Variants in MAP6 observed in about 807,000 individuals in gnomAD.
MAP6 encodes microtubule-associated protein 6.
MAP6 carries 26 observed loss-of-function variants against 42.4 expected under a neutral mutation model. That is an observed-to-expected ratio of 0.61 (90% CI 0.45 to 0.85). The LOEUF (loss-of-function observed/expected upper bound fraction) is 0.85, where lower values mean the gene tolerates loss of function less well. Ranked by LOEUF, MAP6 falls within the 40% of genes least tolerant of loss-of-function variation. The pLI, the probability that MAP6 is intolerant of heterozygous loss-of-function variation, is 0.00. For synonymous variants in MAP6, 418 were observed against 443.8 expected (o/e 0.94, Z 0.73); for missense variants, 966 against 1,099.0 (o/e 0.88, Z 1.71).
chr11:75,642,955 A>C (rs1385152403), intron 1 of MAP6: 2 of 434,936 alleles, frequency 4.6e-6, no homozygotes, highest in Non-Finnish European at 9.6e-6. Context: ...TTCATGTCAG[A>C]ATACACTTGT....
At position 75,608,329 on chromosome 11, in the gene MAP6, G is replaced by C; in HGVS notation, c.906-7C>G. 4 of 1,611,984 alleles carry C rather than the reference G, an allele frequency of 2.5e-6. No homozygotes were observed. Among genetic ancestry groups the C allele is most frequent in the Non-Finnish European group, 3.4e-6 (4 of 1,178,106 alleles). On this transcript the variant is annotated splice_polypyrimidine_tract_variant and splice_region_variant and intron_variant, in intron 1 of 3. Transcript: ENST00000304771. The stretch of plus-strand genomic sequence containing the variant: ...CCATGCCCTGAATTCATTCCTGTTA[G>C]TCAAAGAAAGCATATGTGATATGAA...
intron 1 of MAP6, among the ~76,000 whole-genome samples, chr11:75,649,991 C>G (rs566663889): frequency 6.6e-6 from 1 of 152,146 alleles, no homozygotes; most frequent in South Asian, 2.1e-4. Flanking sequence ...GACACTTAAG[C>G]GGGAATGAGA....
chr11:75,596,985 G>A (rs1942589600), intron 3 of MAP6, among the ~76,000 whole-genome samples: 1 of 152,212 alleles, frequency 6.6e-6, no homozygotes, highest in South Asian at 2.1e-4. Context: ...GGGTTTTAGG[G>A]TCACCCAAAC....
At chr11:75,654,872 C>A (rs144501514) in intron 1 of MAP6, among the ~76,000 whole-genome samples, 1 of 152,242 alleles carries the variant, frequency 6.6e-6, no homozygotes, top group African/African-American at 2.4e-5. Context: ...ATGATTCAAA[C>A]CCAGCTTTGA....
At chr11:75,605,766 G>A (rs754684216) in intron 3 of MAP6, 42 bp downstream of exon 3, 10 of 1,569,452 alleles carry the variant, frequency 6.4e-6, no homozygotes, top group Non-Finnish European at 7.8e-6. Context: ...TGGGGGGAGG[G>A]AGAGAGAGAG....
In MAP6 at chr11:75,586,943, G is replaced by T; in HGVS notation, c.*116C>A. The T allele has an allele frequency of 8.5e-7, 1 of 1,173,522 alleles. No homozygotes were observed. Among genetic ancestry groups the T allele is most frequent in the Non-Finnish European group, 1.2e-6 (1 of 839,378 alleles). 72.7% of individuals were successfully genotyped at this position (1,173,522 alleles called of 1,614,324 possible). A position where few individuals can be genotyped will look rare whatever the true frequency, so the allele number is the denominator to read the frequency against. On this transcript the variant is annotated 3_prime_UTR_variant, in exon 4 of 4. Transcript: ENST00000304771. Reference sequence around the variant, plus strand: ...TGAGCCAGAGGGACCATTTTTATTAGATTCCAGCAAGACTACTGTACATGT... The same window carrying T: ...TGAGCCAGAGGGACCATTTTTATTATATTCCAGCAAGACTACTGTACATGT...
chr11:75,648,039 T>C (rs1943590863), intron 1 of MAP6, among the ~76,000 whole-genome samples: 1 of 152,182 alleles, frequency 6.6e-6, no homozygotes, highest in Non-Finnish European at 1.5e-5. Context: ...GGGAACTTTT[T>C]TAATCAAGGA....
Position 75,668,192 on chromosome 11 carries a change from G to A in MAP6, c.178C>T (p.Pro60Ser), listed in dbSNP as rs947007990. 33 of 1,248,066 alleles carry A rather than the reference G, an allele frequency of 2.6e-5. No homozygotes were observed. The East Asian group carries it at 5.0e-4, about 19-fold the overall frequency. 77.3% of individuals were successfully genotyped at this position (1,248,066 alleles called of 1,614,324 possible). Residue 60 changes from proline (P) to serine (S), a missense_variant, in exon 1 of 4, where the codon CCC becomes TCC. By Grantham distance (74) the Pro-to-Ser change is moderately conservative. This residue lies in a region of MAP6 where 943 missense variants were observed against 1,049.9 expected (regional missense o/e 0.90). Coordinates refer to ENST00000304771, the MANE Select transcript of MAP6 (RefSeq NM_033063.2). ...QQQAQPALAP[P>S]SARAVAIETQ... is the part of the protein sequence containing the mutation. ...TCTATGGCAACCGCGCGCGCCGAGGGGGGCGCGAGCGCCGGCTGCGCCTGC... is the reference window on the plus strand; with the variant it reads ...TCTATGGCAACCGCGCGCGCCGAGGAGGGCGCGAGCGCCGGCTGCGCCTGC...
At chr11:75,662,336 A>G (rs1266600106) in intron 1 of MAP6, among the ~76,000 whole-genome samples, 1 of 152,232 alleles carries the variant, frequency 6.6e-6, no homozygotes. Flanking sequence ...TTAAAACTGT[A>G]TATATGTGTA....
chr11:75,611,092 T>G (rs189034408), intron 1 of MAP6, among the ~76,000 whole-genome samples: 2 of 152,242 alleles, frequency 1.3e-5, no homozygotes, highest in East Asian at 3.9e-4. Flanking sequence ...CAGGGAACAT[T>G]TGGGGCTGTG....
At chr11:75,656,993 T>C (rs971764223) in intron 1 of MAP6, among the ~76,000 whole-genome samples, 1 of 152,202 alleles carries the variant, frequency 6.6e-6, no homozygotes, top group Admixed American at 6.5e-5. Flanking sequence ...ACTGTCACCA[T>C]CAATTACTTT....
At chr11:75,653,203 T>C (rs577395784) in intron 1 of MAP6, among the ~76,000 whole-genome samples, 1 of 152,186 alleles carries the variant, frequency 6.6e-6, no homozygotes, top group Admixed American at 6.5e-5. Context: ...TGAACTCTCT[T>C]CTGTGCCAGG....
chr11:75,658,400 C>CA (rs367728980), intron 1 of MAP6, among the ~76,000 whole-genome samples: 2 of 100,388 alleles, frequency 2.0e-5, no homozygotes, highest in African/African-American at 8.5e-5. Context: ...TTCTCCACCC[C>CA]CCCCGCCCCA....
chr11:75,604,210 C>T, intron 3 of MAP6: 1 of 985,876 alleles, frequency 1.0e-6, no homozygotes, highest in African/African-American at 1.7e-5. Context: ...ATAATTATGG[C>T]TCATGTAGCA....
chr11:75,624,082 C>T (rs1943157260), intron 1 of MAP6, among the ~76,000 whole-genome samples: 1 of 152,148 alleles, frequency 6.6e-6, no homozygotes, highest in African/African-American at 2.4e-5. Context: ...TCTCTGGCTT[C>T]GATATCTCTC....
intron 1 of MAP6, among the ~76,000 whole-genome samples, chr11:75,656,767 C>A (rs1943755882): frequency 1.3e-5 from 2 of 152,196 alleles, no homozygotes; most frequent in African/African-American, 4.8e-5. Context: ...CAAGCTCTAT[C>A]TCCATTTAGT....
intron 1 of MAP6, among the ~76,000 whole-genome samples, chr11:75,610,714 G>A (rs1025923401): frequency 2.0e-5 from 3 of 152,184 alleles, no homozygotes; most frequent in Non-Finnish European, 4.4e-5. Context: ...GGCCAGGCAG[G>A]AGACTGCTGT....
At chr11:75,630,911 C>A (rs1359282062) in intron 1 of MAP6, among the ~76,000 whole-genome samples, 1 of 152,102 alleles carries the variant, frequency 6.6e-6, no homozygotes, top group East Asian at 1.9e-4. Flanking sequence ...CTGTTCTTAC[C>A]CTTGTGGTGA....
At chr11:75,630,605 T>A (rs1343510873) in intron 1 of MAP6, among the ~76,000 whole-genome samples, 1 of 152,230 alleles carries the variant, frequency 6.6e-6, no homozygotes, top group South Asian at 2.1e-4. Flanking sequence ...GATCTTGAAT[T>A]TTATAGGTGT....
Sources: allele counts gnomAD v4.1 joint callset (sites outside exome capture counted in the v4.1 genomes callset), GRCh38; gene constraint gnomAD v4.1.1; regional missense constraint gnomAD v4.1.1; transcripts MANE v1.5; gene names NCBI Gene and HGNC (gene_info 2026-07-23, HGNC 2026-07-21).